ZNF385D: variants seen among roughly 807,000 people sequenced by gnomAD.
The protein encoded by ZNF385D is zinc finger protein 385D.
In ZNF385D, 15 loss-of-function variants were observed where a neutral mutation model predicts 35.8. That is an observed-to-expected ratio of 0.42 (90% CI 0.28 to 0.64). The LOEUF is 0.64. ZNF385D is among the 30% of genes least tolerant of loss of function. The pLI, the probability that ZNF385D is intolerant of heterozygous loss-of-function variation, is 0.23. For missense variants in ZNF385D, 474 were observed against 494.6 expected (o/e 0.96, Z 0.39); for synonymous variants, 212 against 186.8 (o/e 1.13, Z -1.10).
At chr3:21,839,750 A>G (rs1275027238) in intron 3 of ZNF385D, among the ~76,000 whole-genome samples, 1 of 152,016 alleles carries the variant, frequency 6.6e-6, no homozygotes, top group African/African-American at 2.4e-5. Context: ...GTAGCAGTGG[A>G]AAAAGTGATC....
At chr3:22,121,967 A>T (rs1190618400) in intron 3 of ZNF385D, among the ~76,000 whole-genome samples, 1 of 152,158 alleles carries the variant, frequency 6.6e-6, no homozygotes, top group Non-Finnish European at 1.5e-5. Flanking sequence ...CAGCTACAGA[A>T]TTCCAGAGAT....
chr3:21,520,367 T>A (rs760674480), intron 3 of ZNF385D, among the ~76,000 whole-genome samples: 1 of 152,202 alleles, frequency 6.6e-6, no homozygotes, highest in Non-Finnish European at 1.5e-5. Flanking sequence ...CATCTCTAAA[T>A]AGTTGCCTAT....
At position 21,478,006 on chromosome 3, in the gene ZNF385D, T is replaced by C. The variant is rs933438152; in HGVS notation, c.439+32855A>G. Among the ~76,000 whole-genome samples the C allele has an allele frequency of 2.0e-5, 3 of 152,248 alleles. No individual in the cohort carries two copies. In the South Asian group the frequency reaches 6.2e-4, roughly 32 times the overall value. Reference sequence around the variant, plus strand: ...AATCAGAATCTTCAGGAATGTGCATTAAAATGTCCTTGGCTTACTTCTTAC... The same window carrying C: ...AATCAGAATCTTCAGGAATGTGCATCAAAATGTCCTTGGCTTACTTCTTAC... On this transcript the variant is annotated intron_variant, in intron 4 of 7. Coordinates refer to ENST00000281523, the MANE Select transcript of ZNF385D (RefSeq NM_024697.3).
intron 3 of ZNF385D, among the ~76,000 whole-genome samples, chr3:21,793,462 T>C (rs1006199691): frequency 6.6e-6 from 1 of 152,252 alleles, no homozygotes; most frequent in African/African-American, 2.4e-5. Context: ...TCTCAGGGAC[T>C]GAACTAGACC....
intron 4 of ZNF385D, among the ~76,000 whole-genome samples, chr3:21,442,545 G>T (rs17273390): frequency 0.32 from 48,695 of 151,906 alleles, 8,945 homozygotes; most frequent in Non-Finnish European, 0.41. Flanking sequence ...ATTCCTGGTG[G>T]TTTCTTTTCT....
At chr3:21,701,922 T>A (rs1357566978) in intron 1 of ZNF385D, among the ~76,000 whole-genome samples, 2 of 152,166 alleles carry the variant, frequency 1.3e-5, no homozygotes, top group Non-Finnish European at 2.9e-5. Flanking sequence ...TCTCTATGGC[T>A]TTCCAGGGTA....
chr3:21,443,834 G>A (rs372426), intron 4 of ZNF385D, among the ~76,000 whole-genome samples: 47,374 of 151,920 alleles, frequency 0.31, 8,400 homozygotes, highest in Non-Finnish European at 0.4. Flanking sequence ...ATTTTAGAAA[G>A]GAGATTTTAA....
rs114989335 is a variant in ZNF385D at position 21,701,229 on chromosome 3, C to A, written c.23-36201G>T. Among the ~76,000 whole-genome samples, 988 of 152,250 alleles carry A rather than the reference C, an allele frequency of 6.5e-3. 10 individuals carry two copies. Among genetic ancestry groups the A allele is most frequent in the African/African-American group, 0.023 (935 of 41,542 alleles). ...GAGAGGTTTAACTGGACTTACAGTT[C>A]CACACGGCTCGGTAGGCCTCAGAAT... On this transcript the variant is annotated intron_variant, in intron 1 of 7. Coordinates refer to ENST00000281523, the MANE Select transcript of ZNF385D (RefSeq NM_024697.3).
intron 3 of ZNF385D, among the ~76,000 whole-genome samples, chr3:21,822,305 C>T (rs1490947278): frequency 6.6e-6 from 1 of 152,058 alleles, no homozygotes; most frequent in Non-Finnish European, 1.5e-5. Flanking sequence ...ATCTCCTGAC[C>T]TTGTGATTCA....
At chr3:22,244,818 CTTGA>C (rs1411104159) in intron 2 of ZNF385D, among the ~76,000 whole-genome samples, 3 of 145,710 alleles carry the variant, frequency 2.1e-5, no homozygotes, top group Non-Finnish European at 4.5e-5. Context: ...AATTTTTTTC[CTTGA>C]TTTTTTTTTT....
At chr3:21,852,719 T>A (rs141000921) in intron 3 of ZNF385D, among the ~76,000 whole-genome samples, 8 of 151,950 alleles carry the variant, frequency 5.3e-5, no homozygotes, top group Admixed American at 3.9e-4. Context: ...GGGGGTAAGA[T>A]GAAAAGTTAT....
intron 4 of ZNF385D, among the ~76,000 whole-genome samples, chr3:21,438,528 G>T (rs763031857): frequency 2.0e-5 from 3 of 152,104 alleles, no homozygotes; most frequent in Middle Eastern, 3.2e-3. Context: ...AGGCATAGGG[G>T]TGAAAATATG....
At chr3:21,431,088 T>A (rs975589677) in intron 5 of ZNF385D, 4 of 152,204 alleles carry the variant, frequency 2.6e-5, no homozygotes, top group Non-Finnish European at 4.4e-5. Flanking sequence ...TTTTCACATG[T>A]ATACTTTCAG....
chr3:21,537,561 T>A (rs1025173358), intron 3 of ZNF385D, among the ~76,000 whole-genome samples: 3 of 152,130 alleles, frequency 2.0e-5, no homozygotes, highest in Admixed American at 2.0e-4. Context: ...GGCCACAGCT[T>A]GCTAATTTTA....
At chr3:21,902,258 G>A (rs1256571697) in intron 3 of ZNF385D, among the ~76,000 whole-genome samples, 1 of 152,076 alleles carries the variant, frequency 6.6e-6, no homozygotes, top group Non-Finnish European at 1.5e-5. Flanking sequence ...GCTCATAAAG[G>A]CCTCAAACAG....
At chr3:22,167,550 T>C (rs1706416259) in intron 3 of ZNF385D, among the ~76,000 whole-genome samples, 1 of 152,168 alleles carries the variant, frequency 6.6e-6, no homozygotes, top group Non-Finnish European at 1.5e-5. Flanking sequence ...CAATCATGGG[T>C]ACAGAGAAGG....
Position 21,421,322 on chromosome 3 carries a change from A to G in ZNF385D, c.1080T>C (p.Ala360=). 1 of 1,613,972 alleles carries G rather than the reference A, an allele frequency of 6.2e-7. No individual in the cohort carries two copies. Among genetic ancestry groups the G allele is most frequent in the Non-Finnish European group, 8.5e-7 (1 of 1,179,910 alleles). Residue 360 remains alanine (A), a synonymous_variant, in exon 8 of 8, where the codon GCT becomes GCC. Transcript: ENST00000281523. ...AAGTCTGGAACAGTGTTGCTGCTGG[A>G]GCAGTTCGAAGACTGAAGGGGGAAC... ...AVSSPFSLRT[A]PAATLFQTSA...
chr3:22,096,867 A>G (rs1186489920), intron 3 of ZNF385D, among the ~76,000 whole-genome samples: 6 of 151,968 alleles, frequency 3.9e-5, no homozygotes, highest in Non-Finnish European at 5.9e-5. Flanking sequence ...CCTCCTTTCA[A>G]TCTGTGATTT....
intron 3 of ZNF385D, among the ~76,000 whole-genome samples, chr3:22,062,335 G>T (rs947080968): frequency 6.6e-6 from 1 of 152,154 alleles, no homozygotes; most frequent in Non-Finnish European, 1.5e-5. Context: ...AATTACAGCC[G>T]TGAGTCACTT....
Sources: allele counts gnomAD v4.1 joint callset (sites outside exome capture counted in the v4.1 genomes callset), GRCh38; gene constraint gnomAD v4.1.1; transcripts MANE v1.5; gene names NCBI Gene and HGNC (gene_info 2026-07-23, HGNC 2026-07-21).